GPC5: variants seen among roughly 807,000 people sequenced by gnomAD.
GPC5 encodes glypican-5.
Under a neutral mutation model 53.9 loss-of-function variants are expected in GPC5, and 47 were observed. The observed-to-expected ratio is 0.87, with a 90% CI of 0.69 to 1.11. GPC5 has a LOEUF of 1.11. Among genes scored for constraint, GPC5 ranks in the 50% most tolerant of loss-of-function variants. The probability of loss-of-function intolerance (pLI) is 0.00; values close to 1 mark genes in which losing one functional copy is unlikely to be tolerated. For missense variants in GPC5, 748 were observed against 713.1 expected, an observed-to-expected ratio of 1.05 and a Z score of -0.56; for synonymous variants, 286 against 263.3, an observed-to-expected ratio of 1.09 and a Z score of -0.84.
At chr13:91,754,483 C>A (rs769624655) in intron 4 of GPC5, among the ~76,000 whole-genome samples, 1 of 152,022 alleles carries the variant, frequency 6.6e-6, no homozygotes, top group East Asian at 1.9e-4. Context: ...TCCACCAAGA[C>A]TGAATTAGGG....
intron 6 of GPC5, among the ~76,000 whole-genome samples, chr13:91,979,143 C>G (rs1000601651): frequency 6.6e-6 from 1 of 151,860 alleles, no homozygotes; most frequent in South Asian, 2.1e-4. Flanking sequence ...GCAGAGATAC[C>G]AAACAGGTAG....
At chr13:91,468,265 C>T (rs1002376555) in intron 2 of GPC5, among the ~76,000 whole-genome samples, 13 of 152,084 alleles carry the variant, frequency 8.5e-5, no homozygotes, top group Non-Finnish European at 1.8e-4. Flanking sequence ...TTCAAGAGCA[C>T]CATGTCTCAG....
At chr13:92,230,992 T>G (rs1411486306) in intron 7 of GPC5, among the ~76,000 whole-genome samples, 1 of 152,200 alleles carries the variant, frequency 6.6e-6, no homozygotes, top group Admixed American at 6.5e-5. Flanking sequence ...CAAGGTGTCA[T>G]GGAAGAGCAA....
intron 2 of GPC5, among the ~76,000 whole-genome samples, chr13:91,670,017 AGG>A (rs2035208175): frequency 6.6e-6 from 1 of 152,222 alleles, no homozygotes; most frequent in Non-Finnish European, 1.5e-5. Flanking sequence ...GTGAACCCAA[AGG>A]AAAGGTAGAA....
intron 2 of GPC5, among the ~76,000 whole-genome samples, chr13:91,493,042 C>G (rs2139261433): frequency 6.6e-6 from 1 of 152,294 alleles, no homozygotes; most frequent in Admixed American, 6.5e-5. Context: ...AACTCATGTC[C>G]TTACTGACCT....
At chr13:92,352,985 G>C (rs1157528323) in intron 7 of GPC5, among the ~76,000 whole-genome samples, 5 of 152,158 alleles carry the variant, frequency 3.3e-5, no homozygotes, top group African/African-American at 1.2e-4. Context: ...ATCAGGCCGG[G>C]CGCGGTGGCT....
intron 7 of GPC5, among the ~76,000 whole-genome samples, chr13:92,204,468 G>C (rs770624472): frequency 6.6e-6 from 1 of 152,088 alleles, no homozygotes; most frequent in African/African-American, 2.4e-5. Context: ...TCAGACTGCC[G>C]AGTCTGCCCA....
At chr13:92,232,980 C>G (rs548501286) in intron 7 of GPC5, among the ~76,000 whole-genome samples, 1 of 152,164 alleles carries the variant, frequency 6.6e-6, no homozygotes, top group Non-Finnish European at 1.5e-5. Flanking sequence ...ATTACTTGAA[C>G]AAAATCGAGC....
intron 5 of GPC5, among the ~76,000 whole-genome samples, chr13:91,770,266 A>G (rs1325329771): frequency 2.0e-5 from 3 of 152,122 alleles, no homozygotes; most frequent in Non-Finnish European, 4.4e-5. Context: ...ATGTTCAGCA[A>G]CCTGGAAGCT....
chr13:91,913,640 C>A (rs1344977384), intron 6 of GPC5, among the ~76,000 whole-genome samples: 3 of 152,124 alleles, frequency 2.0e-5, no homozygotes, highest in Admixed American at 6.5e-5. Context: ...ATTCCCTCTG[C>A]AAATCCTTCT....
intron 7 of GPC5, among the ~76,000 whole-genome samples, chr13:92,284,013 A>G (rs2042935232): frequency 1.3e-5 from 2 of 152,204 alleles, no homozygotes; most frequent in East Asian, 1.9e-4. Context: ...ATAAAGAAGA[A>G]AAGAAGAATC....
At chr13:92,800,697 T>C (rs1025924139) in intron 7 of GPC5, among the ~76,000 whole-genome samples, 3 of 151,852 alleles carry the variant, frequency 2.0e-5, no homozygotes, top group African/African-American at 7.2e-5. Flanking sequence ...CATTTCAATT[T>C]ATAATAAAGG....
intron 7 of GPC5, among the ~76,000 whole-genome samples, chr13:92,760,772 C>CTTAATATATTTT (rs1165629160): frequency 6.6e-6 from 1 of 151,886 alleles, no homozygotes; most frequent in Non-Finnish European, 1.5e-5. Flanking sequence ...GATTGCTCTT[C>CTTAATATATTTT]TTAATATATT....
chr13:92,465,011 T>C (rs1251772652), intron 7 of GPC5, among the ~76,000 whole-genome samples: 2 of 151,964 alleles, frequency 1.3e-5, no homozygotes, highest in Middle Eastern at 3.2e-3. Context: ...AGTAAAGTGA[T>C]TGTGACAGAT....
chr13:91,693,242 C>A lies in GPC5; in HGVS notation c.381C>A (p.Cys127Ter), dbSNP rs754859338. 26 of 1,612,772 alleles carry A rather than the reference C, an allele frequency of 1.6e-5. No individual in the cohort carries two copies. The African/African-American group carries it at 2.9e-4, about 18-fold the overall frequency. The change falls in exon 3 of 8, where the codon TGC (cysteine) becomes TGA (stop). Residue 127 changes from cysteine (C) to a stop codon, truncating the protein, a stop_gained. Coordinates refer to ENST00000377067, the MANE Select transcript of GPC5 (RefSeq NM_004466.6). LOFTEE classifies it high-confidence loss of function. ...QAENYTSILF[C>*]STYRNMALEA... is the part of the protein sequence containing the mutation. ...AAAATTACACCAGTATACTTTTTTGCAGTACCTACAGGAACATGGCCTTGG... is the reference window on the plus strand; with the variant it reads ...AAAATTACACCAGTATACTTTTTTGAAGTACCTACAGGAACATGGCCTTGG...
intron 1 of GPC5, among the ~76,000 whole-genome samples, chr13:91,412,870 A>G (rs1877912161): frequency 6.6e-6 from 1 of 152,246 alleles, no homozygotes; most frequent in African/African-American, 2.4e-5. Context: ...TAATTGGACA[A>G]AATTCAAACT....
At chr13:92,294,826 C>CTTTTTTTTTTTTTTTTTTTTTTT (rs147963724) in intron 7 of GPC5, among the ~76,000 whole-genome samples, 21 of 98,994 alleles carry the variant, frequency 2.1e-4, no homozygotes, top group East Asian at 8.8e-4. Flanking sequence ...TTTTTTTTTT[C>CTTTTTTTTTTTTTTTTTTTTTTT]TTTTTTTTTT....
At chr13:91,519,775 G>A (rs1267422659) in intron 2 of GPC5, among the ~76,000 whole-genome samples, 1 of 152,112 alleles carries the variant, frequency 6.6e-6, no homozygotes, top group Non-Finnish European at 1.5e-5. Context: ...ATATTGGGCA[G>A]GTTACTGTTT....
At chr13:91,652,450 T>C (rs1444700687) in intron 2 of GPC5, among the ~76,000 whole-genome samples, 1 of 152,194 alleles carries the variant, frequency 6.6e-6, no homozygotes, top group Non-Finnish European at 1.5e-5. Context: ...CCAGCATTAC[T>C]ACTCTTTCAC....
Sources: allele counts gnomAD v4.1 joint callset (sites outside exome capture counted in the v4.1 genomes callset), GRCh38; gene constraint gnomAD v4.1.1; transcripts MANE v1.5; gene names NCBI Gene and HGNC (gene_info 2026-07-23, HGNC 2026-07-21).